STK39: variants seen among roughly 807,000 people sequenced by gnomAD.
STK39 encodes serine/threonine kinase 39.
A neutral mutation model predicts 77.8 loss-of-function variants in STK39; 20 were observed. That is an observed-to-expected ratio of 0.26 (90% CI 0.18 to 0.37). STK39 has a LOEUF of 0.37. Among genes scored for constraint, STK39 ranks in the 10% least tolerant of loss-of-function variants. The pLI, the probability that STK39 is intolerant of heterozygous loss-of-function variation, is 1.00. For missense variants in STK39, 479 were observed against 656.5 expected (o/e 0.73, Z 2.95); for synonymous variants, 246 against 234.1 (o/e 1.05, Z -0.47).
chr2:167,972,619 C>T (rs1692379633), intron 16 of STK39, among the ~76,000 whole-genome samples: 1 of 152,140 alleles, frequency 6.6e-6, no homozygotes, highest in Admixed American at 6.5e-5. Flanking sequence ...TTTCCTTTTT[C>T]TGAACACAGA....
intron 1 of STK39, among the ~76,000 whole-genome samples, chr2:168,232,694 C>T (rs370351098): frequency 2.6e-5 from 4 of 152,222 alleles, no homozygotes; most frequent in East Asian, 3.9e-4. Flanking sequence ...AGGCAAATCA[C>T]GAGGTCAGGA....
chr2:168,207,354 T>C (rs1242043923), intron 1 of STK39, among the ~76,000 whole-genome samples: 1 of 152,234 alleles, frequency 6.6e-6, no homozygotes, highest in Non-Finnish European at 1.5e-5. Context: ...ATTTCCAGCT[T>C]ATGAGAATTC....
intron 14 of STK39, among the ~76,000 whole-genome samples, chr2:168,061,895 CTT>C (rs1685674492): frequency 6.6e-6 from 1 of 152,088 alleles, no homozygotes; most frequent in South Asian, 2.1e-4. Flanking sequence ...TTCCAGGAGA[CTT>C]TTATGCAGAC....
intron 14 of STK39, among the ~76,000 whole-genome samples, chr2:168,054,841 C>A (rs540906848): frequency 9.9e-5 from 15 of 152,034 alleles, no homozygotes; most frequent in Admixed American, 9.2e-4. Context: ...ACAAGCACAC[C>A]AAAGATAACA....
chr2:168,180,662 T>G (rs939638769), intron 2 of STK39, among the ~76,000 whole-genome samples: 1 of 152,120 alleles, frequency 6.6e-6, no homozygotes, highest in Non-Finnish European at 1.5e-5. Context: ...CCTTGAAAAC[T>G]GGTTGGGTGA....
chr2:168,004,625 T>C (rs1238444892), intron 16 of STK39, among the ~76,000 whole-genome samples: 1 of 150,458 alleles, frequency 6.6e-6, no homozygotes, highest in African/African-American at 2.4e-5. Context: ...CCCAGCTACT[T>C]GGGAGGCTGA....
Position 168,032,713 on chromosome 2 carries a change from T to C in STK39, c.1377-15618A>G, listed in dbSNP as rs1261900432. 2.6e-5 allele frequency among the ~76,000 whole-genome samples: 4 copies of C among 151,966 alleles called. No homozygotes were observed. In the East Asian group the frequency reaches 7.8e-4, roughly 29 times the overall value. The stretch of plus-strand genomic sequence containing the variant: ...ACAGACGTGCTTTTCAGAAAGGAGG[T>C]ACAAAAAAACAAAGCAAAACAAAAA... On this transcript the variant is annotated intron_variant, in intron 14 of 17. Transcript: ENST00000355999.
chr2:168,217,840 T>C (rs1690064493), intron 1 of STK39, among the ~76,000 whole-genome samples: 1 of 152,176 alleles, frequency 6.6e-6, no homozygotes, highest in Non-Finnish European at 1.5e-5. Context: ...GCAGAAGCCA[T>C]GGACATGGAG....
At chr2:168,017,627 C>T (rs1380232987) in intron 14 of STK39, among the ~76,000 whole-genome samples, 2 of 152,052 alleles carry the variant, frequency 1.3e-5, no homozygotes, top group African/African-American at 2.4e-5. Flanking sequence ...CCAGCCTCGG[C>T]CTCCCAAAGT....
At chr2:167,962,163 G>C (rs10211182) in intron 17 of STK39, among the ~76,000 whole-genome samples, 28,928 of 152,152 alleles carry the variant, frequency 0.19, 3,450 homozygotes, top group African/African-American at 0.33. Context: ...GAAAGGCACT[G>C]AGATGAAAAT....
chr2:168,088,154 A>G (rs1574455224), intron 10 of STK39, among the ~76,000 whole-genome samples: 1 of 152,212 alleles, frequency 6.6e-6, no homozygotes, highest in Admixed American at 6.5e-5. Context: ...AAATATTCCT[A>G]ATATTCTAAT....
At chr2:168,244,215 A>C (rs1690842712) in intron 1 of STK39, among the ~76,000 whole-genome samples, 1 of 152,248 alleles carries the variant, frequency 6.6e-6, no homozygotes, top group Non-Finnish European at 1.5e-5. Context: ...AATACAATAA[A>C]GAGAAAACTT....
At chr2:167,973,914 G>A (rs1356766194) in intron 16 of STK39, among the ~76,000 whole-genome samples, 1 of 152,118 alleles carries the variant, frequency 6.6e-6, no homozygotes, top group Non-Finnish European at 1.5e-5. Context: ...TTTTCTTAAA[G>A]TACTAATATG....
At chr2:168,203,782 C>T (rs1195565666) in intron 1 of STK39, among the ~76,000 whole-genome samples, 1 of 152,154 alleles carries the variant, frequency 6.6e-6, no homozygotes, top group Non-Finnish European at 1.5e-5. Flanking sequence ...TTAGTAGAGA[C>T]GGGGTTTCAC....
chr2:168,121,617 G>A (rs561581662), intron 10 of STK39, among the ~76,000 whole-genome samples: 8 of 152,212 alleles, frequency 5.3e-5, no homozygotes, highest in Middle Eastern at 3.4e-3. Context: ...CCAAATTAAC[G>A]GCAATGCAGA....
At chr2:168,220,930 G>A (rs1690152765) in intron 1 of STK39, among the ~76,000 whole-genome samples, 1 of 152,126 alleles carries the variant, frequency 6.6e-6, no homozygotes, top group African/African-American at 2.4e-5. Context: ...GTAAAAGGTG[G>A]AAATCTTTGG....
Position 168,182,108 on chromosome 2 carries a change from C to G in STK39, c.209-18G>C, listed in dbSNP as rs1390469616. 1 of 1,605,574 alleles carries G rather than the reference C, an allele frequency of 6.2e-7. No individual in the cohort carries two copies. Among genetic ancestry groups the G allele is most frequent in the South Asian group, 1.1e-5 (1 of 90,858 alleles). ...TCCACTGCCTGCAATGAAATAAAAA[C>G]AACATCAGCGATCAAATGGCACACT... On this transcript the variant is annotated intron_variant, in intron 1 of 17. Coordinates refer to ENST00000355999, the MANE Select transcript of STK39 (RefSeq NM_013233.3).
rs4000936 is a variant in STK39, at chr2:168,013,793, GGTGTGTGTGT to G, written c.1430-1101_1430-1092del. Reference sequence around the variant, plus strand: ...GATGTGGTGACTATGTAAGTGGGCTGGTGTGTGTGTGTGTGTGTGTGTGTGTGTGTGTGTG... The same window carrying G: ...GATGTGGTGACTATGTAAGTGGGCTGGTGTGTGTGTGTGTGTGTGTGTGTG... On this transcript the variant is annotated intron_variant, in intron 15 of 17. Coordinates refer to ENST00000355999, the MANE Select transcript of STK39 (RefSeq NM_013233.3). 3.3e-3 allele frequency among the ~76,000 whole-genome samples: 492 copies of G among 147,720 alleles called. 2 individuals are homozygous for G. Among genetic ancestry groups the G allele is most frequent in the East Asian group, 0.012 (61 of 4,982 alleles).
chr2:167,973,396 C>T (rs1334633303), intron 16 of STK39, among the ~76,000 whole-genome samples: 3 of 152,078 alleles, frequency 2.0e-5, no homozygotes, highest in Admixed American at 1.3e-4. Context: ...ATTAGCCATG[C>T]CCCCTAGCTA....
Sources: gnomAD v4.1 joint callset for allele counts (sites outside exome capture counted in the v4.1 genomes callset) on GRCh38, gnomAD v4.1.1 for gene constraint, MANE v1.5 for transcripts, NCBI Gene and HGNC (gene_info 2026-07-23, HGNC 2026-07-21) for gene names.